TNS3: variants seen among roughly 807,000 people sequenced by gnomAD.
The protein encoded by TNS3 is tensin 3, also known as tensin-3.
A neutral mutation model predicts 140.9 loss-of-function variants in TNS3; 45 were observed. The observed-to-expected ratio is 0.32, with a 90% CI of 0.25 to 0.41. The LOEUF (loss-of-function observed/expected upper bound fraction) is 0.41, where lower values mean the gene tolerates loss of function less well. Ranked by LOEUF, TNS3 falls within the 10% of genes least tolerant of loss-of-function variation. The pLI is 1.00. For missense variants in TNS3, 1,716 were observed against 1,906.7 expected (o/e 0.90, Z 1.86); for synonymous variants, 815 against 788.4 (o/e 1.03, Z -0.56).
intron 1 of TNS3, among the ~76,000 whole-genome samples, chr7:47,541,495 G>A (rs1799785853): frequency 6.6e-6 from 1 of 152,076 alleles, no homozygotes; most frequent in South Asian, 2.1e-4. Context: ...AGTGCTCACA[G>A]AACAATGGGT....
At chr7:47,514,350 C>T (rs1798709985) in intron 2 of TNS3, among the ~76,000 whole-genome samples, 1 of 152,204 alleles carries the variant, frequency 6.6e-6, no homozygotes, top group Non-Finnish European at 1.5e-5. Flanking sequence ...ACACACCTAC[C>T]GACCTGCCCG....
At chr7:47,543,414 G>A (rs957828798) in intron 1 of TNS3, among the ~76,000 whole-genome samples, 10 of 152,228 alleles carry the variant, frequency 6.6e-5, no homozygotes, top group African/African-American at 1.4e-4. Flanking sequence ...TGGGGCACCT[G>A]AAAGACTGGA....
intron 4 of TNS3, among the ~76,000 whole-genome samples, chr7:47,459,496 C>A (rs1015233366): frequency 1.3e-5 from 2 of 152,146 alleles, no homozygotes; most frequent in Admixed American, 6.5e-5. Flanking sequence ...ACGGCACCTC[C>A]AAACCTCTCT....
rs762464812 is a variant in TNS3 at position 47,529,029 on chromosome 7, G to C, written c.-153+7C>G. 7.8e-6 allele frequency: 10 copies of C among 1,277,722 alleles called. No individual in the cohort carries two copies. The highest frequency in any genetic ancestry group is 2.2e-4 in the Middle Eastern group (1 of 4,650). 79.1% of individuals were successfully genotyped at this position (1,277,722 alleles called of 1,614,324 possible). A position where few individuals can be genotyped will look rare whatever the true frequency, so the allele number is the denominator to read the frequency against. ...AATCAGTGAGAGAATCATAAACACA[G>C]ACTTACCTCGGCATGAAATACCTTG... On this transcript the variant is annotated splice_region_variant and intron_variant, in intron 2 of 30. Coordinates refer to ENST00000311160, the MANE Select transcript of TNS3 (RefSeq NM_022748.12).
intron 1 of TNS3, among the ~76,000 whole-genome samples, chr7:47,581,182 C>A (rs989031331): frequency 6.6e-6 from 1 of 152,098 alleles, no homozygotes; most frequent in Non-Finnish European, 1.5e-5. Context: ...CCGGGACTCA[C>A]ATGTCAGGCC....
At chr7:47,453,801 G>A (rs553364405) in intron 4 of TNS3, among the ~76,000 whole-genome samples, 7 of 152,280 alleles carry the variant, frequency 4.6e-5, no homozygotes, top group African/African-American at 1.2e-4. Flanking sequence ...GGACCTGCCC[G>A]AGGCGGGTTT....
chr7:47,478,678 A>C (rs938695926), intron 4 of TNS3, among the ~76,000 whole-genome samples: 14 of 152,146 alleles, frequency 9.2e-5, no homozygotes, highest in Non-Finnish European at 2.9e-5. Context: ...CTCACATATA[A>C]AGACTGCATA....
chr7:47,406,199 C>T lies in TNS3; in HGVS notation c.724-5285G>A, dbSNP rs1793438395. Among the ~76,000 whole-genome samples, 5 of 152,172 alleles carry T rather than the reference C, an allele frequency of 3.3e-5. 1 individual carries two copies. The South Asian group carries it at 1.0e-3, about 32-fold the overall frequency. ...AGAATCTGACCTTTTGGGAAAAGCA[C>T]ACTGCAAAGATGGGATGGGTCAGGT... On this transcript the variant is annotated intron_variant, in intron 13 of 30. Coordinates refer to ENST00000311160, the MANE Select transcript of TNS3 (RefSeq NM_022748.12).
intron 1 of TNS3, chr7:47,579,175 C>T (rs1784472222): frequency 1.3e-5 from 2 of 152,212 alleles, no homozygotes; most frequent in South Asian, 2.1e-4. Flanking sequence ...TAACCAGCAT[C>T]CCTCATTCTA....
At chr7:47,580,590 C>G (rs1737860040) in intron 1 of TNS3, among the ~76,000 whole-genome samples, 1 of 151,172 alleles carries the variant, frequency 6.6e-6, no homozygotes, top group African/African-American at 2.4e-5. Flanking sequence ...CCTCCACCCT[C>G]CAGCTGCAGC....
intron 1 of TNS3, among the ~76,000 whole-genome samples, chr7:47,537,337 G>A (rs1188674897): frequency 1.3e-5 from 2 of 152,134 alleles, no homozygotes; most frequent in African/African-American, 2.4e-5. Flanking sequence ...GTCAGACGCC[G>A]GGAACAAAAG....
At chr7:47,289,446 A>G (rs561793413) in intron 27 of TNS3, among the ~76,000 whole-genome samples, 21 of 152,176 alleles carry the variant, frequency 1.4e-4, no homozygotes, top group Non-Finnish European at 2.8e-4. Context: ...CAAGAGCCCT[A>G]TGGTGTGTGG....
intron 20 of TNS3, among the ~76,000 whole-genome samples, chr7:47,340,092 CATATATAT>C (rs199944761): frequency 2.2e-3 from 102 of 46,038 alleles, no homozygotes; most frequent in African/African-American, 8.2e-3. Context: ...TGTGCATATA[CATATATAT>C]ATATATATAT....
intron 2 of TNS3, among the ~76,000 whole-genome samples, chr7:47,520,695 C>T (rs557126583): frequency 6.6e-6 from 1 of 152,312 alleles, no homozygotes; most frequent in East Asian, 1.9e-4. Flanking sequence ...CGGATAACCA[C>T]CACCGACCAG....
At chr7:47,394,794 A>C (rs1792731315) in intron 16 of TNS3, among the ~76,000 whole-genome samples, 1 of 152,236 alleles carries the variant, frequency 6.6e-6, no homozygotes, top group Non-Finnish European at 1.5e-5. Context: ...TAGGTCCTTC[A>C]CCACCTGTGA....
intron 17 of TNS3, 49 bp from the exon 18 acceptor site, chr7:47,346,405 G>C (rs1326346242): frequency 6.2e-7 from 1 of 1,602,754 alleles, no homozygotes; most frequent in Non-Finnish European, 8.5e-7. Flanking sequence ...TCAAGGCGGA[G>C]TGAGGCGCCC....
chr7:47,344,097 G>A (rs1789177773), intron 20 of TNS3, among the ~76,000 whole-genome samples: 1 of 152,176 alleles, frequency 6.6e-6, no homozygotes, highest in South Asian at 2.1e-4. Context: ...ATTTTGAAAT[G>A]TGCACGAGCT....
At chr7:47,524,808 CAAG>C (rs1358178540) in intron 2 of TNS3, among the ~76,000 whole-genome samples, 2,123 of 24,830 alleles carry the variant, frequency 0.086, 420 homozygotes, top group African/African-American at 0.18. Flanking sequence ...GACTCCGTCT[CAAG>C]AAAAAAAAAA....
At position 47,453,219 on chromosome 7, in the gene TNS3, TGAGGGCCAGCCTGCC is replaced by T. The variant is rs920344863; in HGVS notation, c.-75-11179_-75-11165del. The T allele has an allele frequency of 7.2e-5, 71 of 985,416 alleles. 1 individual carries two copies. In the South Asian group the frequency reaches 9.4e-4, roughly 13 times the overall value. 61.0% of individuals were successfully genotyped at this position (985,416 alleles called of 1,614,324 possible). A position where few individuals can be genotyped will look rare whatever the true frequency, so the allele number is the denominator to read the frequency against. ...TCACAGGACAATGTCCGCCCGGGGC[TGAGGGCCAGCCTGCC>T]GAGGGCCAGCCTGCCAAGGGCCTGA... On this transcript the variant is annotated intron_variant, in intron 4 of 30. Coordinates refer to ENST00000311160, the MANE Select transcript of TNS3 (RefSeq NM_022748.12).
Sources: allele counts gnomAD v4.1 joint callset (sites outside exome capture counted in the v4.1 genomes callset), GRCh38; gene constraint gnomAD v4.1.1; transcripts MANE v1.5; gene names NCBI Gene and HGNC (gene_info 2026-07-23, HGNC 2026-07-21).